Variants in CAB39L observed in about 807,000 individuals in gnomAD.
CAB39L encodes the protein calcium-binding protein 39-like.
A neutral mutation model predicts 39.1 loss-of-function variants in CAB39L; 23 were observed. That is an observed-to-expected ratio of 0.59 (90% CI 0.42 to 0.83). The LOEUF (loss-of-function observed/expected upper bound fraction) is 0.83. Among genes scored for constraint, CAB39L ranks in the 40% least tolerant of loss-of-function variants. The pLI, the probability that CAB39L is intolerant of heterozygous loss-of-function variation, is 0.00. For synonymous variants in CAB39L, 126 were observed against 137.2 expected (o/e 0.92, Z 0.57); for missense variants, 366 against 391.9 (o/e 0.93, Z 0.56).
chr13:49,348,093 T>C (rs1955233889), intron 7 of CAB39L, among the ~76,000 whole-genome samples: 1 of 152,140 alleles, frequency 6.6e-6, no homozygotes, highest in African/African-American at 2.4e-5. Flanking sequence ...TGGAGGCCTG[T>C]GGACACCCGA....
At chr13:49,322,834 C>A (rs1006406795) in intron 10 of CAB39L, among the ~76,000 whole-genome samples, 4 of 152,140 alleles carry the variant, frequency 2.6e-5, no homozygotes, top group Non-Finnish European at 4.4e-5. Context: ...TCCTCAATGA[C>A]CTATTCCAGT....
chr13:49,398,851 T>C (rs935974811), intron 3 of CAB39L, among the ~76,000 whole-genome samples: 4 of 152,088 alleles, frequency 2.6e-5, no homozygotes, highest in African/African-American at 9.6e-5. Context: ...TGAGTTAAAG[T>C]TGACACCTGA....
chr13:49,333,274 T>A (rs1318981719), intron 9 of CAB39L, among the ~76,000 whole-genome samples: 1 of 152,196 alleles, frequency 6.6e-6, no homozygotes, highest in Non-Finnish European at 1.5e-5. Flanking sequence ...ACCTCCTTCA[T>A]CTTTCTGCAG....
chr13:49,439,554 T>C (rs1957470642), intron 1 of CAB39L, among the ~76,000 whole-genome samples: 1 of 152,356 alleles, frequency 6.6e-6, no homozygotes, highest in Non-Finnish European at 1.5e-5. Context: ...ATGATGAACA[T>C]ATGAGTGCAT....
At chr13:49,380,808 A>C (rs1029531502) in intron 4 of CAB39L, among the ~76,000 whole-genome samples, 10 of 152,358 alleles carry the variant, frequency 6.6e-5, no homozygotes, top group African/African-American at 2.4e-4. Context: ...TAAATGAAGA[A>C]GGAAATGAGT....
intron 4 of CAB39L, among the ~76,000 whole-genome samples, chr13:49,378,762 T>G (rs1245887526): frequency 2.5e-4 from 5 of 20,204 alleles, no homozygotes; most frequent in African/African-American, 3.2e-4. Flanking sequence ...GGGAGGGAGG[T>G]GGGGGGGGTC....
intron 3 of CAB39L, among the ~76,000 whole-genome samples, chr13:49,383,379 C>T (rs1956288567): frequency 6.6e-6 from 1 of 152,094 alleles, no homozygotes; most frequent in African/African-American, 2.4e-5. Flanking sequence ...GAGAAAGGCA[C>T]AGTAGTTTAG....
At chr13:49,437,724 G>A (rs969564994) in intron 1 of CAB39L, among the ~76,000 whole-genome samples, 13 of 152,116 alleles carry the variant, frequency 8.5e-5, no homozygotes, top group Admixed American at 5.9e-4. Flanking sequence ...AAATTTGTAT[G>A]GGTTTTCTCT....
intron 5 of CAB39L, among the ~76,000 whole-genome samples, chr13:49,360,278 A>G (rs576100945): frequency 1.3e-5 from 2 of 152,374 alleles, no homozygotes; most frequent in South Asian, 4.1e-4. Flanking sequence ...TCTTAGATCT[A>G]CTTTCTAGTA....
At chr13:49,327,748 A>G (rs1407732084) in intron 10 of CAB39L, among the ~76,000 whole-genome samples, 1 of 152,248 alleles carries the variant, frequency 6.6e-6, no homozygotes, top group Non-Finnish European at 1.5e-5. Context: ...AGGCAAAGCG[A>G]TCCACATAAC....
chr13:49,425,792 T>C (rs1052143598), intron 3 of CAB39L, among the ~76,000 whole-genome samples: 2 of 152,202 alleles, frequency 1.3e-5, no homozygotes, highest in Admixed American at 1.3e-4. Flanking sequence ...AATCTGGAAA[T>C]TCGTTAAGAC....
intron 5 of CAB39L, among the ~76,000 whole-genome samples, chr13:49,366,145 C>T (rs1350579976): frequency 6.6e-6 from 1 of 151,818 alleles, no homozygotes; most frequent in African/African-American, 2.4e-5. Flanking sequence ...AGCATGGTTA[C>T]CAGAGGCTAG....
intron 3 of CAB39L, among the ~76,000 whole-genome samples, chr13:49,424,605 A>T (rs537758243): frequency 6.6e-6 from 1 of 152,332 alleles, no homozygotes; most frequent in African/African-American, 2.4e-5. Context: ...TAATTGTAAC[A>T]TGTTAATATG....
intron 7 of CAB39L, among the ~76,000 whole-genome samples, chr13:49,349,268 G>A (rs1284537500): frequency 6.6e-6 from 1 of 151,518 alleles, no homozygotes; most frequent in Non-Finnish European, 1.5e-5. Flanking sequence ...GGACTATATC[G>A]ATATTATTGA....
At chr13:49,357,048 C>CAAA (rs11447143) in intron 6 of CAB39L, among the ~76,000 whole-genome samples, 3 of 123,222 alleles carry the variant, frequency 2.4e-5, no homozygotes, top group Admixed American at 8.2e-5. Flanking sequence ...GACTCCATCT[C>CAAA]AAAAAAAAAA....
chr13:49,417,509 T>C (rs1047380615), intron 3 of CAB39L, among the ~76,000 whole-genome samples: 1 of 152,172 alleles, frequency 6.6e-6, no homozygotes, highest in Non-Finnish European at 1.5e-5. Context: ...GAAGCCAACA[T>C]GTCCTGTAAT....
intron 10 of CAB39L, among the ~76,000 whole-genome samples, chr13:49,328,733 G>A (rs966383488): frequency 6.6e-6 from 1 of 152,128 alleles, no homozygotes. Context: ...TACTCAGGAG[G>A]CTGAGGCAGG....
intron 3 of CAB39L, among the ~76,000 whole-genome samples, chr13:49,407,936 TA>T (rs67026495): frequency 0.22 from 33,708 of 150,322 alleles, 3,823 homozygotes; most frequent in Middle Eastern, 0.24. Context: ...GATAATAGTA[TA>T]AAAAAACTAG....
Position 49,339,751 on chromosome 13 carries a change from A to G in CAB39L, c.625-9T>C, listed in dbSNP as rs1396588221. ...TCATAGTCTTCAAAAATCTAATGAA[A>G]AGAAAATACACATTAGAGTGTAAAA... On this transcript the variant is annotated splice_polypyrimidine_tract_variant and intron_variant, in intron 8 of 10. Transcript: ENST00000409308. The G allele has an allele frequency of 1.9e-6, 3 of 1,571,454 alleles. No individual in the cohort carries two copies. The highest frequency in any genetic ancestry group is 2.4e-5 in the South Asian group (2 of 82,542).
Sources: allele counts gnomAD v4.1 joint callset (sites outside exome capture counted in the v4.1 genomes callset), GRCh38; gene constraint gnomAD v4.1.1; transcripts MANE v1.5; gene names NCBI Gene and HGNC (gene_info 2026-07-23, HGNC 2026-07-21).